The following SORCS2 variants were observed in gnomAD, a reference collection of about 807,000 sequenced individuals.
SORCS2 encodes VPS10 domain-containing receptor SorCS2.
SORCS2 carries 100 observed loss-of-function variants against 141.6 expected under a neutral mutation model. The ratio of observed to expected loss-of-function variants is 0.71; its 90% CI spans 0.60 to 0.83. The LOEUF (loss-of-function observed/expected upper bound fraction) is 0.83, where lower values mean the gene tolerates loss of function less well. Among genes scored for constraint, SORCS2 ranks in the 40% least tolerant of loss-of-function variants. SORCS2 has a pLI of 0.00. For missense variants in SORCS2, 1,646 were observed against 1,560.2 expected (o/e 1.05, Z -0.93); for synonymous variants, 789 against 676.9 (o/e 1.17, Z -2.57).
chr4:7,685,710 G>A (rs528255023), intron 10 of SORCS2, among the ~76,000 whole-genome samples: 7 of 148,134 alleles, frequency 4.7e-5, no homozygotes, highest in South Asian at 4.2e-4. Context: ...TATGACAGCC[G>A]TATGGCTCAG....
intron 2 of SORCS2, among the ~76,000 whole-genome samples, chr4:7,414,503 A>T (rs996017731): frequency 6.6e-5 from 10 of 152,194 alleles, no homozygotes; most frequent in African/African-American, 2.4e-4. Context: ...ATGAATTAAG[A>T]GTCTTTTATT....
intron 3 of SORCS2, among the ~76,000 whole-genome samples, chr4:7,605,713 C>T (rs1231648218): frequency 1.3e-5 from 2 of 152,166 alleles, no homozygotes; most frequent in African/African-American, 4.8e-5. Flanking sequence ...TGCTGTTTCA[C>T]ATCTGCCTCT....
chr4:7,456,780 G>C (rs542986822), intron 2 of SORCS2, among the ~76,000 whole-genome samples: 7 of 152,124 alleles, frequency 4.6e-5, no homozygotes, highest in African/African-American at 1.2e-4. Context: ...GCAGGGGTAG[G>C]GGGGTGGAGG....
chr4:7,251,388 G>A (rs1713498699), intron 1 of SORCS2, among the ~76,000 whole-genome samples: 1 of 152,176 alleles, frequency 6.6e-6, no homozygotes, highest in Non-Finnish European at 1.5e-5. Flanking sequence ...AAAACGTGGA[G>A]AGAGGGTTGG....
At chr4:7,685,001 G>A (rs1020039883) in intron 10 of SORCS2, among the ~76,000 whole-genome samples, 1 of 152,336 alleles carries the variant, frequency 6.6e-6, no homozygotes, top group East Asian at 1.9e-4. Flanking sequence ...TCAGGGGCCG[G>A]CTGCCCGCCT....
chr4:7,554,226 A>T (rs1472195380), intron 3 of SORCS2, among the ~76,000 whole-genome samples: 2 of 152,196 alleles, frequency 1.3e-5, no homozygotes, highest in Admixed American at 1.3e-4. Flanking sequence ...CCCACTTTCA[A>T]ATACTCCCCA....
Position 7,454,963 on chromosome 4 carries a change from G to A in SORCS2, c.548+58608G>A, listed in dbSNP as rs555322957. Among the ~76,000 whole-genome samples, 555 of 141,438 alleles carry A rather than the reference G, an allele frequency of 3.9e-3. 14 individuals are homozygous for A. The highest frequency in any genetic ancestry group is 0.014 in the African/African-American group (526 of 37,170). 92.8% of individuals were successfully genotyped at this position (141,438 alleles called of 152,430 possible). A position where few individuals can be genotyped will look rare whatever the true frequency, so the allele number is the denominator to read the frequency against. On this transcript the variant is annotated intron_variant, in intron 2 of 26. Transcript: ENST00000507866. Reference sequence around the variant, plus strand: ...GGTCAGGAGCTGTGTGTTGGGGTCAGGTGCTGTATTGGGGTCAGGCTCCGT... The same window carrying A: ...GGTCAGGAGCTGTGTGTTGGGGTCAAGTGCTGTATTGGGGTCAGGCTCCGT...
chr4:7,662,813 A>G (rs1487540407), intron 6 of SORCS2, among the ~76,000 whole-genome samples: 1 of 150,842 alleles, frequency 6.6e-6, no homozygotes, highest in Non-Finnish European at 1.5e-5. Context: ...GAAATTGGCA[A>G]GCACTATCAT....
chr4:7,654,748 A>G (rs1251189324), intron 5 of SORCS2, among the ~76,000 whole-genome samples: 1 of 151,988 alleles, frequency 6.6e-6, no homozygotes, highest in Non-Finnish European at 1.5e-5. Flanking sequence ...CCCAGCCCCT[A>G]CTGGGTGCCA....
chr4:7,707,578 G>A (rs528159723), intron 14 of SORCS2, among the ~76,000 whole-genome samples: 190 of 152,328 alleles, frequency 1.2e-3, no homozygotes, highest in South Asian at 5.4e-3. Context: ...ACCAGGCCTG[G>A]GCTGCCTGGC....
Position 7,682,851 on chromosome 4 carries a change from A to C in SORCS2, c.1450A>C (p.Ser484Arg). The stretch of plus-strand genomic sequence containing the variant: ...CGACTGGGATTACCTGAGGCCACCC[A>C]GCATGGACATGAATGGAAAACCAAC... ...GRDWDYLRPP[S>R]MDMNGKPTNC... The change falls in exon 10 of 27, where the codon AGC becomes CGC. Residue 484 changes from serine to arginine, a missense_variant. By Grantham distance (110) the Ser-to-Arg change is moderately radical (BLOSUM62 -1). Transcript: ENST00000507866. 6.2e-7 allele frequency: 1 copy of C among 1,613,552 alleles called. No homozygotes were observed. Among genetic ancestry groups the C allele is most frequent in the East Asian group, 2.2e-5 (1 of 44,878 alleles).
chr4:7,252,081 T>C (rs905012), intron 1 of SORCS2, among the ~76,000 whole-genome samples: 92,258 of 152,076 alleles, frequency 0.61, 30,347 homozygotes, highest in South Asian at 0.74. Context: ...CTCAACTCCC[T>C]GACCCCTGCA....
At chr4:7,428,362 T>G (rs1178508816) in intron 2 of SORCS2, among the ~76,000 whole-genome samples, 1 of 152,174 alleles carries the variant, frequency 6.6e-6, no homozygotes, top group Non-Finnish European at 1.5e-5. Flanking sequence ...CCTGTGCTCA[T>G]GGAGCCTGTT....
chr4:7,715,095 C>A, intron 16 of SORCS2, 88 bp from the exon 17 acceptor site: 1 of 1,565,404 alleles, frequency 6.4e-7, no homozygotes, highest in Admixed American at 1.7e-5. Context: ...AGGTTCCCTT[C>A]TCAGCTCCCC....
intron 1 of SORCS2, among the ~76,000 whole-genome samples, chr4:7,374,119 CTTTCTTTCCCTCTTTCTTTCT>C (rs1722458537): frequency 5.0e-4 from 9 of 18,066 alleles, no homozygotes; most frequent in Middle Eastern, 0.024. Flanking sequence ...TTCTTTCTTT[CTTTCTTTCCCTCTTTCTTTCT>C]TTCTTTCTTT....
chr4:7,686,135 G>A (rs868065188), intron 10 of SORCS2, among the ~76,000 whole-genome samples: 11 of 152,224 alleles, frequency 7.2e-5, no homozygotes, highest in African/African-American at 2.2e-4. Flanking sequence ...CCAGCTTCCC[G>A]TCTGGGGATA....
At chr4:7,564,327 G>T (rs1714809908) in intron 3 of SORCS2, among the ~76,000 whole-genome samples, 1 of 152,180 alleles carries the variant, frequency 6.6e-6, no homozygotes, top group African/African-American at 2.4e-5. Context: ...TCTGGTGGCT[G>T]GCTGACTGTC....
At chr4:7,272,983 G>T (rs908734468) in intron 1 of SORCS2, among the ~76,000 whole-genome samples, 2 of 152,236 alleles carry the variant, frequency 1.3e-5, no homozygotes, top group African/African-American at 4.8e-5. Context: ...GGAGTTCAGG[G>T]ATTTGCCACA....
At chr4:7,424,583 C>A (rs889565447) in intron 2 of SORCS2, among the ~76,000 whole-genome samples, 1 of 152,188 alleles carries the variant, frequency 6.6e-6, no homozygotes, top group African/African-American at 2.4e-5. Context: ...TCCTCTTTGC[C>A]GCTCCTCACC....
Sources: allele counts gnomAD v4.1 joint callset (sites outside exome capture counted in the v4.1 genomes callset), GRCh38; gene constraint gnomAD v4.1.1; transcripts MANE v1.5; gene names NCBI Gene and HGNC (gene_info 2026-07-23, HGNC 2026-07-21).